CSK: variants seen among roughly 807,000 people sequenced by gnomAD.
CSK encodes the protein C-terminal Src kinase, also known as tyrosine-protein kinase CSK.
In CSK, 7 loss-of-function variants were observed where a neutral mutation model predicts 62.3. That is an observed-to-expected ratio of 0.11 (90% CI 0.06 to 0.21). The LOEUF (loss-of-function observed/expected upper bound fraction) is 0.21, where lower values mean the gene tolerates loss of function less well. CSK is among the 10% of genes least tolerant of loss of function. The probability of loss-of-function intolerance (pLI) is 1.00; values close to 1 mark genes in which losing one functional copy is unlikely to be tolerated. For synonymous variants in CSK, 237 were observed against 246.0 expected, an observed-to-expected ratio of 0.96 and a Z score of 0.34; for missense variants, 294 against 613.5, an observed-to-expected ratio of 0.48 and a Z score of 5.50.
rs1596371783 is a variant in CSK, at chr15:74,798,217, A to G, written c.-65-16A>G. On this transcript the variant is annotated splice_polypyrimidine_tract_variant and intron_variant, in intron 1 of 12. Transcript: ENST00000220003. This position sits in a 1 kb window ranked among gnomAD's most constrained non-coding sequence, Gnocchi z 6.6. ...TTCTTCACACCCCTCCTCAGTCTTC[A>G]TGCTCTTCCCCACAGCTCTAATGGT... 2.0e-6 allele frequency: 3 copies of G among 1,481,760 alleles called. No individual in the cohort carries two copies. In the East Asian group the frequency reaches 6.9e-5, roughly 34 times the overall value. The allele number at this position is 1,481,760 out of a possible 1,614,324, so 91.8% of individuals were successfully genotyped here.
intron 1 of CSK, among the ~76,000 whole-genome samples, chr15:74,785,823 G>T (rs571679455): frequency 6.6e-6 from 1 of 152,134 alleles, no homozygotes; most frequent in African/African-American, 2.4e-5. Context: ...ACTATGGCCA[G>T]TGCCCTTGCC....
At chr15:74,787,329 G>A (rs1163106668) in intron 1 of CSK, among the ~76,000 whole-genome samples, 1 of 152,286 alleles carries the variant, frequency 6.6e-6, no homozygotes. Context: ...CCTGCTCCTC[G>A]GGATCAGAAG....
rs2063736304 is a variant in CSK, at chr15:74,798,284, G to A, written c.-14G>A. 2.6e-6 allele frequency: 4 copies of A among 1,562,530 alleles called. No individual in the cohort carries two copies. In the South Asian group the frequency reaches 4.9e-5, roughly 19 times the overall value. On this transcript the variant is annotated 5_prime_UTR_variant, in exon 2 of 13. Transcript: ENST00000220003. The surrounding 1 kb of genome is among the most constrained non-coding windows in gnomAD (Gnocchi z 6.6). Reference sequence around the variant, plus strand: ...GCTTTACTGTGACTCGGGGACGCCAGAGCTCCTGAGAAGATGTCAGCAATA... The same window carrying A: ...GCTTTACTGTGACTCGGGGACGCCAAAGCTCCTGAGAAGATGTCAGCAATA...
At chr15:74,785,414 G>A (rs1337028513) in intron 1 of CSK, among the ~76,000 whole-genome samples, 1 of 152,208 alleles carries the variant, frequency 6.6e-6, no homozygotes, top group African/African-American at 2.4e-5. Context: ...AAAGCAGCCA[G>A]GGTGTTGGAG....
chr15:74,790,172 G>A (rs142570538), intron 1 of CSK, among the ~76,000 whole-genome samples: 4 of 152,314 alleles, frequency 2.6e-5, no homozygotes, highest in East Asian at 1.9e-4. Flanking sequence ...CAGAATCTCC[G>A]GGGGCCAGGG....
In CSK at chr15:74,802,990, C is replaced by T. The variant is rs1018469725; in HGVS notation, c.*477C>T. 6.1e-6 allele frequency: 1 copy of T among 163,802 alleles called. No individual in the cohort carries two copies. Among genetic ancestry groups the T allele is most frequent in the African/African-American group, 2.4e-5 (1 of 41,508 alleles). 10.1% of individuals were successfully genotyped at this position (163,802 alleles called of 1,614,324 possible). A position where few individuals can be genotyped will look rare whatever the true frequency, so the allele number is the denominator to read the frequency against. ...GACCCCTCGCCCCAGCCTCATTCCC[C>T]ATTCTGTGTCCCATGTCCCGTGTCT... is the stretch of plus-strand genomic sequence containing the variant. On this transcript the variant is annotated 3_prime_UTR_variant, in exon 13 of 13. Transcript: ENST00000220003.
Position 74,802,342 on chromosome 15 carries a change from C to T in CSK, c.1182C>T (p.Asp394=), listed in dbSNP as rs374867799. 6.3e-6 allele frequency: 10 copies of T among 1,596,668 alleles called. No individual in the cohort carries two copies. The highest frequency in any genetic ancestry group is 5.4e-5 in the African/African-American group (4 of 73,942). ...CCCCCTGGCCACAGCCCCTGAAGGA[C>T]GTCGTCCCTCGGGTGGAGAAGGGCT... is the stretch of plus-strand genomic sequence containing the variant. The part of the protein sequence containing the change: ...RVPYPRIPLK[D]VVPRVEKGYK... Residue 394 remains aspartate, a synonymous_variant, in exon 13 of 13, where the codon GAC becomes GAT. Coordinates refer to ENST00000220003, the MANE Select transcript of CSK (RefSeq NM_004383.3).
chr15:74,797,580 G>T (rs2063726401), intron 1 of CSK, among the ~76,000 whole-genome samples: 1 of 152,154 alleles, frequency 6.6e-6, no homozygotes, highest in Non-Finnish European at 1.5e-5. Flanking sequence ...AGTTTGTGTT[G>T]GAGTTTATTT....
At position 74,800,994 on chromosome 15, in the gene CSK, ACT is replaced by A. The variant is rs2063783327; in HGVS notation, c.723-14_723-13del. On this transcript the variant is annotated splice_polypyrimidine_tract_variant and intron_variant, in intron 8 of 12. Coordinates refer to ENST00000220003, the MANE Select transcript of CSK (RefSeq NM_004383.3). ...AGGCACCAGCTTCCCCTTTCTGACC[ACT>A]CTCGTCCTGCCCCAGGCAACTGCGG... 6.2e-7 allele frequency: 1 copy of A among 1,612,754 alleles called. No homozygotes were observed. Among genetic ancestry groups the A allele is most frequent in the Non-Finnish European group, 8.5e-7 (1 of 1,179,860 alleles).
At position 74,802,784 on chromosome 15, in the gene CSK, C is replaced by T. The variant is rs1025580927; in HGVS notation, c.*271C>T. The T allele has an allele frequency of 4.3e-5, 18 of 418,656 alleles. No homozygotes were observed. The highest frequency in any genetic ancestry group is 1.8e-4 in the Admixed American group (4 of 21,700). 25.9% of individuals were successfully genotyped at this position (418,656 alleles called of 1,614,324 possible). A position where few individuals can be genotyped will look rare whatever the true frequency, so the allele number is the denominator to read the frequency against. ...CGGGCTTCCCTGGCCTCCCGCCACT[C>T]GCCTTCTTAGAGTTTTATTCCTTTC... On this transcript the variant is annotated 3_prime_UTR_variant, in exon 13 of 13. Transcript: ENST00000220003.
intron 1 of CSK, among the ~76,000 whole-genome samples, chr15:74,783,338 C>T (rs2063466927): frequency 6.6e-6 from 1 of 152,220 alleles, no homozygotes; most frequent in South Asian, 2.1e-4. Flanking sequence ...ATGCCCCCAC[C>T]TTCTGGCACC....
rs200442435 is a variant in CSK at position 74,798,778 on chromosome 15, G to A, written c.130-48G>A. 21 of 1,606,944 alleles carry A rather than the reference G, an allele frequency of 1.3e-5. No homozygotes were observed. In the East Asian group the frequency reaches 4.0e-4, roughly 31 times the overall value. ...CATCCCACTGCTGGGCCTTCCCTCT[G>A]CAGGGGGAGGTGGGCCTGAGAGCAT... is the stretch of plus-strand genomic sequence containing the variant. On this transcript the variant is annotated intron_variant, in intron 3 of 12. Transcript: ENST00000220003. This position sits in a 1 kb window ranked among gnomAD's most constrained non-coding sequence, Gnocchi z 6.6.
chr15:74,798,481 G>A lies in CSK; in HGVS notation c.16-134G>A, dbSNP rs1410945110. 1 of 1,214,712 alleles carries A rather than the reference G, an allele frequency of 8.2e-7. No homozygotes were observed. The highest frequency in any genetic ancestry group is 1.2e-6 in the Non-Finnish European group (1 of 841,256). The allele number at this position is 1,214,712 out of a possible 1,614,324, so 75.2% of individuals were successfully genotyped here. On this transcript the variant is annotated intron_variant, in intron 2 of 12. Coordinates refer to ENST00000220003, the MANE Select transcript of CSK (RefSeq NM_004383.3). This position sits in a 1 kb window ranked among gnomAD's most constrained non-coding sequence, Gnocchi z 6.6. ...GGGAGTCTCAACAGGAAGGGACCCA[G>A]GGCTCGTTCTCCGGGCAGAGCACCT...
chr15:74,800,643 C>T (rs916853630), intron 6 of CSK, 38 bp from the exon 7 acceptor site: 2 of 1,538,326 alleles, frequency 1.3e-6, no homozygotes, highest in African/African-American at 2.7e-5. Flanking sequence ...AGCCATGTCC[C>T]TAGTGGCCTC....
At chr15:74,786,013 T>TTTTTGTGTGTG in intron 1 of CSK, among the ~76,000 whole-genome samples, 2 of 47,816 alleles carry the variant, frequency 4.2e-5, no homozygotes, top group African/African-American at 1.3e-4. Context: ...TTTTTTTTTT[T>TTTTTGTGTGTG]TGTGTGTGTG....
At position 74,798,573 on chromosome 15, in the gene CSK, G is replaced by A. The variant is rs2063741285; in HGVS notation, c.16-42G>A. 6.4e-7 allele frequency: 1 copy of A among 1,568,740 alleles called. No individual in the cohort carries two copies. Among genetic ancestry groups the A allele is most frequent in the East Asian group, 2.3e-5 (1 of 44,400 alleles). On this transcript the variant is annotated intron_variant, in intron 2 of 12. Transcript: ENST00000220003. The surrounding 1 kb of genome is among the most constrained non-coding windows in gnomAD (Gnocchi z 6.6). ...AGGGTGCGCCAGCAGGTGGCTGGAGGGGGCCCAGGCTGCACCCGCCCACGT... is the reference window on the plus strand; with the variant it reads ...AGGGTGCGCCAGCAGGTGGCTGGAGAGGGCCCAGGCTGCACCCGCCCACGT...
At chr15:74,791,016 A>G (rs1448541477) in intron 1 of CSK, 1 of 152,262 alleles carries the variant, frequency 6.6e-6, no homozygotes, top group Admixed American at 6.5e-5. Context: ...GCTTTAAAAA[A>G]ATAATAATAA....
chr15:74,785,067 C>T (rs189723431), intron 1 of CSK, among the ~76,000 whole-genome samples: 10 of 152,242 alleles, frequency 6.6e-5, no homozygotes, highest in Admixed American at 5.9e-4. Flanking sequence ...AATAACAAAA[C>T]AGCGCTACAG....
chr15:74,802,810 C>G lies in CSK; in HGVS notation c.*297C>G, dbSNP rs1206507365. On this transcript the variant is annotated 3_prime_UTR_variant, in exon 13 of 13. Transcript: ENST00000220003. ...GCCTTCTTAGAGTTTTATTCCTTTC[C>G]TTTTTTGAGATTTTTTTTCCGTGTG... 3.0e-6 allele frequency: 1 copy of G among 337,322 alleles called. No homozygotes were observed. Among genetic ancestry groups the G allele is most frequent in the East Asian group, 5.1e-5 (1 of 19,686 alleles). 20.9% of individuals were successfully genotyped at this position (337,322 alleles called of 1,614,324 possible).
Sources: gnomAD v4.1 joint callset for allele counts (sites outside exome capture counted in the v4.1 genomes callset) on GRCh38, gnomAD v4.1.1 for gene constraint, Gnocchi (gnomAD v3.1) non-coding constraint, MANE v1.5 for transcripts, NCBI Gene and HGNC (gene_info 2026-07-23, HGNC 2026-07-21) for gene names.